The following NALF1 variants were observed in gnomAD, a reference collection of about 807,000 sequenced individuals.
The protein encoded by NALF1 is family with sequence similarity 155 member A.
A neutral mutation model predicts 48.4 loss-of-function variants in NALF1; 3 were observed. That is an observed-to-expected ratio of 0.06 (90% CI 0.03 to 0.16). The LOEUF is 0.16. Ranked by LOEUF, NALF1 falls within the 10% of genes least tolerant of loss-of-function variation. The probability of loss-of-function intolerance (pLI) is 1.00; values close to 1 mark genes in which losing one functional copy is unlikely to be tolerated. For synonymous variants in NALF1, 262 were observed against 245.7 expected (o/e 1.07, Z -0.62); for missense variants, 526 against 571.5 (o/e 0.92, Z 0.81).
At chr13:107,453,434 A>G (rs1283061874) in intron 1 of NALF1, among the ~76,000 whole-genome samples, 2 of 152,242 alleles carry the variant, frequency 1.3e-5, no homozygotes, top group African/African-American at 4.8e-5. Context: ...CTCTGAAGCC[A>G]TGGCCTGAGT....
At chr13:107,459,514 A>AT (rs1465680599) in intron 1 of NALF1, among the ~76,000 whole-genome samples, 1 of 151,996 alleles carries the variant, frequency 6.6e-6, no homozygotes, top group Non-Finnish European at 1.5e-5. Context: ...AGAAAAAAAC[A>AT]TTTTTTTCAT....
intron 1 of NALF1, among the ~76,000 whole-genome samples, chr13:107,714,218 G>A (rs1875682466): frequency 6.6e-6 from 1 of 152,170 alleles, no homozygotes; most frequent in African/African-American, 2.4e-5. Flanking sequence ...TCCATTTATG[G>A]TTGAATATGA....
chr13:107,679,139 C>G (rs1446688611), intron 1 of NALF1, among the ~76,000 whole-genome samples: 1 of 152,066 alleles, frequency 6.6e-6, no homozygotes, highest in African/African-American at 2.4e-5. Context: ...GCCTCAGTTT[C>G]CTATAGTTTA....
rs559263292 is a variant in NALF1, at chr13:107,638,187, T to TTATATATA, written c.915+227487_915+227494dup. On this transcript the variant is annotated intron_variant, in intron 1 of 2. Transcript: ENST00000375915. The stretch of plus-strand genomic sequence containing the variant: ...TATATATCCCTATCTATATAAAGAT[T>TTATATATA]TATATATATATATATATATAATTTA... Among the ~76,000 whole-genome samples, 3 of 53,090 alleles carry TTATATATA rather than the reference T, an allele frequency of 5.7e-5. 1 individual carries two copies. The highest frequency in any genetic ancestry group is 1.4e-4 in the Non-Finnish European group (3 of 21,000). 34.8% of individuals were successfully genotyped at this position (53,090 alleles called of 152,430 possible).
intron 1 of NALF1, among the ~76,000 whole-genome samples, chr13:107,328,111 A>G (rs1187511629): frequency 6.6e-6 from 1 of 151,838 alleles, no homozygotes; most frequent in African/African-American, 2.4e-5. Flanking sequence ...GGGTCTCACT[A>G]TGTTGCCCAG....
chr13:107,226,479 C>T (rs1359366), intron 1 of NALF1, among the ~76,000 whole-genome samples: 73,483 of 151,984 alleles, frequency 0.48, 18,030 homozygotes, highest in Middle Eastern at 0.62. Flanking sequence ...GGTATAAATG[C>T]AAAAGTTCAT....
At chr13:107,674,510 G>A (rs142140360) in intron 1 of NALF1, among the ~76,000 whole-genome samples, 1 of 152,208 alleles carries the variant, frequency 6.6e-6, no homozygotes, top group East Asian at 1.9e-4. Flanking sequence ...ACTTCTATTG[G>A]GAGATTGGCA....
chr13:107,337,120 C>T (rs887850094), intron 1 of NALF1, among the ~76,000 whole-genome samples: 6 of 146,360 alleles, frequency 4.1e-5, no homozygotes, highest in African/African-American at 1.5e-4. Context: ...CACGGCATGG[C>T]TTCCACTTTG....
chr13:107,639,389 C>G (rs1395798482), intron 1 of NALF1, among the ~76,000 whole-genome samples: 3 of 152,150 alleles, frequency 2.0e-5, no homozygotes, highest in Non-Finnish European at 4.4e-5. Flanking sequence ...CACGATAGTT[C>G]TGTAGACACT....
At position 107,224,530 on chromosome 13, in the gene NALF1, T is replaced by C. The variant is rs535342110; in HGVS notation, c.916-13775A>G. 9.9e-5 allele frequency among the ~76,000 whole-genome samples: 15 copies of C among 151,548 alleles called. No individual in the cohort carries two copies. In the East Asian group the frequency reaches 2.1e-3, roughly 21 times the overall value. ...TTGGTAAAAAAGGTAAAAAATTGGT[T>C]AACTGGTTAAAAAAGCTAATAAATT... On this transcript the variant is annotated intron_variant, in intron 1 of 2. Transcript: ENST00000375915.
intron 1 of NALF1, among the ~76,000 whole-genome samples, chr13:107,533,979 A>AT (rs1876722660): frequency 6.6e-6 from 1 of 152,122 alleles, no homozygotes; most frequent in African/African-American, 2.4e-5. Flanking sequence ...AGGGGACCAA[A>AT]TATCCTGCAA....
At chr13:107,826,270 T>C (rs1022327511) in intron 1 of NALF1, among the ~76,000 whole-genome samples, 2 of 151,850 alleles carry the variant, frequency 1.3e-5, no homozygotes, top group Non-Finnish European at 2.9e-5. Flanking sequence ...TGCCAGAACA[T>C]AGGTGCATGT....
At chr13:107,584,603 G>A (rs915423374) in intron 1 of NALF1, among the ~76,000 whole-genome samples, 2 of 152,110 alleles carry the variant, frequency 1.3e-5, no homozygotes, top group Admixed American at 6.6e-5. Flanking sequence ...CCTTATTACT[G>A]TATGAAATGA....
chr13:107,185,345 T>C (rs1245285207), intron 2 of NALF1, among the ~76,000 whole-genome samples: 3 of 152,176 alleles, frequency 2.0e-5, no homozygotes, highest in Non-Finnish European at 4.4e-5. Context: ...GAGATGTTTA[T>C]CTATTTGCCT....
At chr13:107,279,565 C>A (rs1335365458) in intron 1 of NALF1, among the ~76,000 whole-genome samples, 1 of 151,950 alleles carries the variant, frequency 6.6e-6, no homozygotes, top group African/African-American at 2.4e-5. Flanking sequence ...GATGCCTCAA[C>A]CATTTCTAAA....
chr13:107,704,941 C>A (rs1361576370), intron 1 of NALF1, among the ~76,000 whole-genome samples: 1 of 152,116 alleles, frequency 6.6e-6, no homozygotes, highest in Non-Finnish European at 1.5e-5. Context: ...TTCAATCAGT[C>A]TTTCTATTAT....
intron 1 of NALF1, among the ~76,000 whole-genome samples, chr13:107,613,153 G>A (rs1397165229): frequency 6.6e-6 from 1 of 152,144 alleles, no homozygotes; most frequent in Non-Finnish European, 1.5e-5. Flanking sequence ...GTTATGTTTT[G>A]TTTCCTGCTT....
chr13:107,339,090 T>A (rs556632079), intron 1 of NALF1, among the ~76,000 whole-genome samples: 134 of 143,940 alleles, frequency 9.3e-4, no homozygotes, highest in Middle Eastern at 3.6e-3. Context: ...GCAGAGATTG[T>A]GCCACTGCAC....
chr13:107,732,145 A>C (rs1335795822), intron 1 of NALF1, among the ~76,000 whole-genome samples: 1 of 152,058 alleles, frequency 6.6e-6, no homozygotes, highest in East Asian at 1.9e-4. Flanking sequence ...TTTTTCATGA[A>C]GTTTCTCCAG....
Sources: gnomAD v4.1 joint callset for allele counts (sites outside exome capture counted in the v4.1 genomes callset) on GRCh38, gnomAD v4.1.1 for gene constraint, MANE v1.5 for transcripts, NCBI Gene and HGNC (gene_info 2026-07-23, HGNC 2026-07-21) for gene names.